Variants in ZBTB16 observed in about 807,000 individuals in gnomAD.
ZBTB16 encodes zinc finger and BTB domain containing 16, also known as zinc finger and BTB domain-containing protein 16.
Under a neutral mutation model 56.8 loss-of-function variants are expected in ZBTB16, and 8 were observed. The ratio of observed to expected loss-of-function variants is 0.14; its 90% CI spans 0.08 to 0.25. ZBTB16 has a LOEUF of 0.25. Among genes scored for constraint, ZBTB16 ranks in the 10% least tolerant of loss-of-function variants. The pLI is 1.00. For missense variants in ZBTB16, 625 were observed against 903.0 expected, an observed-to-expected ratio of 0.69 and a Z score of 3.95; for synonymous variants, 363 against 368.5, an observed-to-expected ratio of 0.98 and a Z score of 0.17.
chr11:114,080,928 A>G (rs10891628), intron 2 of ZBTB16, among the ~76,000 whole-genome samples: 66,989 of 151,976 alleles, frequency 0.44, 15,911 homozygotes, highest in African/African-American at 0.6. Context: ...TGGGCTCTCA[A>G]TGTGTCCAAG....
rs903698609 is a variant in ZBTB16, at chr11:114,251,956, T to C, written c.*1401T>C. 8.5e-5 allele frequency among the ~76,000 whole-genome samples: 13 copies of C among 152,170 alleles called. No homozygotes were observed. Among genetic ancestry groups the C allele is most frequent in the Non-Finnish European group, 1.9e-4 (13 of 68,030 alleles). On this transcript the variant is annotated 3_prime_UTR_variant, in exon 7 of 7. Coordinates refer to ENST00000335953, the MANE Select transcript of ZBTB16 (RefSeq NM_006006.6). ...GCTTGGAGGAATGGGGAGGGTGTTC[T>C]TTTCTGTTTCTTGTGTAAATTAATA...
At chr11:114,099,886 A>G (rs980827891) in intron 2 of ZBTB16, among the ~76,000 whole-genome samples, 2 of 152,244 alleles carry the variant, frequency 1.3e-5, no homozygotes, top group African/African-American at 4.8e-5. Context: ...GTGGGTGCCC[A>G]TGACACACAC....
intron 2 of ZBTB16, among the ~76,000 whole-genome samples, chr11:114,079,960 G>A (rs1939700699): frequency 6.6e-6 from 1 of 152,198 alleles, no homozygotes. Context: ...GGCCTCCTGT[G>A]AGTTTGGGCT....
intron 4 of ZBTB16, among the ~76,000 whole-genome samples, chr11:114,232,585 C>T (rs1210912186): frequency 8.7e-6 from 1 of 114,488 alleles, no homozygotes; most frequent in Non-Finnish European, 1.8e-5. Flanking sequence ...CATCAGATGC[C>T]CCACCCAGGG....
rs6589411 is a variant in ZBTB16 at position 114,060,036 on chromosome 11, T to C, written c.-91+154T>C. On this transcript the variant is annotated intron_variant, in intron 1 of 6. Transcript: ENST00000335953. The surrounding 1 kb of genome is among the most constrained non-coding windows in gnomAD (Gnocchi z 6.0). The stretch of plus-strand genomic sequence containing the variant: ...ATTTGGCGTGTTCCCTTCCTGCCGC[T>C]GCAGCCGTCGCCGCCACCGGTTGGG... Among the ~76,000 whole-genome samples the C allele has an allele frequency of 0.33, 49,994 of 152,116 alleles. 8,815 individuals carry two copies. Among genetic ancestry groups the C allele is most frequent in the Non-Finnish European group, 0.38 (25,650 of 67,946 alleles).
At chr11:114,089,506 G>A (rs978197073) in intron 2 of ZBTB16, among the ~76,000 whole-genome samples, 1 of 152,158 alleles carries the variant, frequency 6.6e-6, no homozygotes, top group Non-Finnish European at 1.5e-5. Flanking sequence ...ACAGCGCAAT[G>A]ATCCACGATG....
At chr11:114,165,053 G>A (rs1195624150) in intron 3 of ZBTB16, among the ~76,000 whole-genome samples, 1 of 151,718 alleles carries the variant, frequency 6.6e-6, no homozygotes, top group Non-Finnish European at 1.5e-5. Flanking sequence ...CTCTGTCTTT[G>A]TCTCTGTCTC....
At chr11:114,092,254 A>G (rs1184546149) in intron 2 of ZBTB16, among the ~76,000 whole-genome samples, 1 of 152,196 alleles carries the variant, frequency 6.6e-6, no homozygotes, top group Non-Finnish European at 1.5e-5. Flanking sequence ...CGGAGCACTG[A>G]AGGGGCTTTT....
chr11:114,214,509 T>C (rs539376956), intron 4 of ZBTB16, among the ~76,000 whole-genome samples: 111 of 152,338 alleles, frequency 7.3e-4, no homozygotes, highest in African/African-American at 2.4e-3. Context: ...TTATGATCCC[T>C]GGAGTAAACT....
At position 114,090,814 on chromosome 11, in the gene ZBTB16, C is replaced by G. The variant is rs554122309; in HGVS notation, c.1268+26246C>G. 3.9e-5 allele frequency among the ~76,000 whole-genome samples: 6 copies of G among 152,334 alleles called. No individual in the cohort carries two copies. The South Asian group carries it at 1.2e-3, about 32-fold the overall frequency. ...TCCTGGAAGACACTAATATCCCTCC[C>G]AAACTCTTGGTTGGTTTCTGCTTTT... On this transcript the variant is annotated intron_variant, in intron 2 of 6. Transcript: ENST00000335953.
intron 2 of ZBTB16, among the ~76,000 whole-genome samples, chr11:114,079,271 A>G (rs1939680116): frequency 6.6e-6 from 1 of 152,150 alleles, no homozygotes; most frequent in Non-Finnish European, 1.5e-5. Flanking sequence ...AAAAACGTGT[A>G]AAGTGCATAG....
At chr11:114,171,550 T>G (rs1442112406) in intron 3 of ZBTB16, among the ~76,000 whole-genome samples, 1 of 152,186 alleles carries the variant, frequency 6.6e-6, no homozygotes, top group African/African-American at 2.4e-5. Flanking sequence ...AGCATGTAAC[T>G]GTGCTTCCCG....
chr11:114,242,288 C>T lies in ZBTB16; in HGVS notation c.1575C>T (p.Arg525=). ...GCTACATCTGCAGTGAGTGCAACCG[C>T]ACCTTCCCCAGCCACACGGCTCTCA... ...VRSYICSECN[R]TFPSHTALKR... The change falls in exon 5 of 7, where the codon CGC becomes CGT. Residue 525 remains arginine (R), a synonymous_variant. Coordinates refer to ENST00000335953, the MANE Select transcript of ZBTB16 (RefSeq NM_006006.6). 4 of 1,614,018 alleles carry T rather than the reference C, an allele frequency of 2.5e-6. No homozygotes were observed. The highest frequency in any genetic ancestry group is 3.4e-6 in the Non-Finnish European group (4 of 1,180,044).
chr11:114,153,404 C>T (rs1037159096), intron 2 of ZBTB16, among the ~76,000 whole-genome samples: 1 of 152,166 alleles, frequency 6.6e-6, no homozygotes, highest in Admixed American at 6.5e-5. Flanking sequence ...CTGTATGGGG[C>T]ACTGAGTTAG....
intron 4 of ZBTB16, among the ~76,000 whole-genome samples, chr11:114,221,853 G>T (rs903126902): frequency 1.3e-5 from 2 of 152,160 alleles, no homozygotes; most frequent in Non-Finnish European, 2.9e-5. Context: ...GAATGACTCA[G>T]GAAGAGAAAG....
chr11:114,195,404 A>G (rs1943581867), intron 4 of ZBTB16, among the ~76,000 whole-genome samples: 1 of 152,170 alleles, frequency 6.6e-6, no homozygotes, highest in African/African-American at 2.4e-5. Flanking sequence ...GCCTGGCCAG[A>G]GAGACTGAGG....
rs575669445 is a variant in ZBTB16 at position 114,108,587 on chromosome 11, C to A, written c.1268+44019C>A. ...CTTCCCTGCTCAACTCTCTAAAAGA[C>A]CTGCAGCTATTAAGAAATTTCCAGT... On this transcript the variant is annotated intron_variant, in intron 2 of 6. Coordinates refer to ENST00000335953, the MANE Select transcript of ZBTB16 (RefSeq NM_006006.6). Among the ~76,000 whole-genome samples, 19 of 152,276 alleles carry A rather than the reference C, an allele frequency of 1.2e-4. No homozygotes were observed. The East Asian group carries it at 3.7e-3, about 29-fold the overall frequency.
At chr11:114,249,874 A>C (rs1944888510) in intron 6 of ZBTB16, among the ~76,000 whole-genome samples, 1 of 143,156 alleles carries the variant, frequency 7.0e-6, no homozygotes, top group Non-Finnish European at 1.5e-5. Flanking sequence ...CCTGCTCCCC[A>C]CCATCTGTAG....
chr11:114,238,857 C>T (rs999696955), intron 4 of ZBTB16, among the ~76,000 whole-genome samples: 1 of 152,128 alleles, frequency 6.6e-6, no homozygotes, highest in Non-Finnish European at 1.5e-5. Flanking sequence ...AACTTCTTGT[C>T]CTTTGCTTCT....
Sources: allele counts gnomAD v4.1 joint callset (sites outside exome capture counted in the v4.1 genomes callset), GRCh38; gene constraint gnomAD v4.1.1; non-coding constraint Gnocchi (gnomAD v3.1); transcripts MANE v1.5; gene names NCBI Gene and HGNC (gene_info 2026-07-23, HGNC 2026-07-21).